SORBS2: variants seen among roughly 807,000 people sequenced by gnomAD.
The protein encoded by SORBS2 is sorbin and SH3 domain containing 2, also known as sorbin and SH3 domain-containing protein 2.
SORBS2 carries 46 observed loss-of-function variants against 97.7 expected under a neutral mutation model. That is an observed-to-expected ratio of 0.47 (90% CI 0.37 to 0.60). The LOEUF (loss-of-function observed/expected upper bound fraction) is 0.60, where lower values mean the gene tolerates loss of function less well. SORBS2 is among the 20% of genes least tolerant of loss of function. SORBS2 has a pLI of 0.00. For synonymous variants in SORBS2, 476 were observed against 473.4 expected (o/e 1.01, Z -0.07); for missense variants, 1,316 against 1,282.3 (o/e 1.03, Z -0.40).
At chr4:185,857,164 C>T (rs2099220968) in intron 1 of SORBS2, among the ~76,000 whole-genome samples, 1 of 152,274 alleles carries the variant, frequency 6.6e-6, no homozygotes, top group East Asian at 1.9e-4. Context: ...AATGGAGAGA[C>T]CTGCTGAACC....
chr4:185,597,726 C>CA (rs761923844), intron 12 of SORBS2, among the ~76,000 whole-genome samples: 67 of 152,248 alleles, frequency 4.4e-4, no homozygotes, highest in Non-Finnish European at 7.1e-4. Context: ...TGATGTAACT[C>CA]AAATGGCAAG....
intron 3 of SORBS2, among the ~76,000 whole-genome samples, chr4:185,647,608 A>G (rs1251748302): frequency 6.6e-6 from 1 of 152,014 alleles, no homozygotes; most frequent in African/African-American, 2.4e-5. Context: ...CTTCCATGGA[A>G]TGGAATGAAA....
intron 8 of SORBS2, among the ~76,000 whole-genome samples, chr4:185,618,933 G>A (rs1561445843): frequency 6.6e-6 from 1 of 152,170 alleles, no homozygotes; most frequent in Non-Finnish European, 1.5e-5. Context: ...CATTTTGGCT[G>A]TTACAAAGGC....
chr4:185,827,855 G>T (rs1343281218), intron 1 of SORBS2, among the ~76,000 whole-genome samples: 2 of 120,978 alleles, frequency 1.7e-5, no homozygotes, highest in African/African-American at 3.2e-5. Flanking sequence ...ACCATCATCA[G>T]CGTCACCATC....
chr4:185,598,600 C>T (rs1320708724), intron 12 of SORBS2, among the ~76,000 whole-genome samples: 9 of 152,152 alleles, frequency 5.9e-5, no homozygotes, highest in Admixed American at 5.2e-4. Flanking sequence ...TTGACTGTTA[C>T]TTTAAACACT....
chr4:185,647,364 T>C (rs1186218682), intron 3 of SORBS2, among the ~76,000 whole-genome samples: 1 of 151,962 alleles, frequency 6.6e-6, no homozygotes, highest in Non-Finnish European at 1.5e-5. Context: ...AAAAAAGGGT[T>C]TCACAAAATT....
exon 3 of SORBS2, chr4:185,649,594 G>T: frequency 6.2e-7 from 1 of 1,602,322 alleles, no homozygotes; most frequent in Non-Finnish European, 8.5e-7. Flanking sequence ...TTGGAAAGAG[G>T]TCTGTAGGTT....
intron 1 of SORBS2, chr4:185,812,850 G>A (rs916948797): frequency 5.3e-5 from 8 of 151,880 alleles, no homozygotes; most frequent in African/African-American, 9.7e-5. Flanking sequence ...TTGCTTCTAC[G>A]GCAGAAAATG....
chr4:185,903,596 GT>G (rs1385963216), intron 1 of SORBS2, among the ~76,000 whole-genome samples: 1 of 152,098 alleles, frequency 6.6e-6, no homozygotes, highest in East Asian at 1.9e-4. Flanking sequence ...CGCCAGATAT[GT>G]TTTTTTGGAA....
At chr4:185,913,318 G>A (rs2149888854) in intron 1 of SORBS2, among the ~76,000 whole-genome samples, 1 of 152,184 alleles carries the variant, frequency 6.6e-6, no homozygotes, top group East Asian at 1.9e-4. Context: ...TTTACCAGAT[G>A]GCATCCAATA....
At chr4:185,630,267 T>G (rs1406782071) in intron 5 of SORBS2, among the ~76,000 whole-genome samples, 4 of 152,148 alleles carry the variant, frequency 2.6e-5, no homozygotes, top group Non-Finnish European at 5.9e-5. Context: ...TTACTTATAA[T>G]TCCCATCTAA....
At chr4:185,784,366 G>A (rs1326986477) in intron 1 of SORBS2, among the ~76,000 whole-genome samples, 2 of 152,086 alleles carry the variant, frequency 1.3e-5, no homozygotes, top group Non-Finnish European at 2.9e-5. Context: ...TCCTGACCTC[G>A]TGATCCGCCC....
At chr4:185,803,078 G>C (rs1393761573) in intron 1 of SORBS2, among the ~76,000 whole-genome samples, 1 of 152,142 alleles carries the variant, frequency 6.6e-6, no homozygotes, top group Admixed American at 6.5e-5. Context: ...AATACTTAGA[G>C]GGCCAGAGTC....
intron 1 of SORBS2, among the ~76,000 whole-genome samples, chr4:185,949,506 C>T (rs933682464): frequency 6.6e-6 from 1 of 152,008 alleles, no homozygotes; most frequent in Non-Finnish European, 1.5e-5. Flanking sequence ...GGGGTTTTAA[C>T]TAAAGTCCAC....
rs181696150 is a variant in SORBS2, at chr4:185,852,486, T to C, written c.-337-77120A>G. Among the ~76,000 whole-genome samples the C allele has an allele frequency of 3.3e-3, 507 of 152,282 alleles. 1 individual carries two copies. The highest frequency in any genetic ancestry group is 5.9e-3 in the Non-Finnish European group (398 of 68,010). On this transcript the variant is annotated intron_variant, in intron 1 of 20. Coordinates refer to the SORBS2 transcript ENST00000284776. ...AATACAATCATATTCATGGGAACAT[T>C]TTAATTTGAGTCTATCCTAGAAAAC...
chr4:185,952,581 G>A (rs532420321), intron 1 of SORBS2, among the ~76,000 whole-genome samples: 1 of 152,316 alleles, frequency 6.6e-6, no homozygotes, highest in South Asian at 2.1e-4. Flanking sequence ...AAGGCATGCA[G>A]TGCAGTTCCC....
At chr4:185,753,348 G>A (rs1301024341) in intron 2 of SORBS2, among the ~76,000 whole-genome samples, 3 of 152,194 alleles carry the variant, frequency 2.0e-5, no homozygotes, top group African/African-American at 2.4e-5. Context: ...AAGTTACTGG[G>A]AGAATTAGAA....
At chr4:185,780,007 A>T (rs904328045) in intron 1 of SORBS2, among the ~76,000 whole-genome samples, 26 of 98,110 alleles carry the variant, frequency 2.7e-4, no homozygotes, top group East Asian at 7.4e-4. Flanking sequence ...GTAGAGTAAC[A>T]TTTTTTTTTT....
chr4:185,590,032 A>C (rs892372954), intron 13 of SORBS2, among the ~76,000 whole-genome samples: 1 of 152,222 alleles, frequency 6.6e-6, no homozygotes, highest in African/African-American at 2.4e-5. Flanking sequence ...ACTCACGAGG[A>C]ATATCCATGA....
Sources: gnomAD v4.1 joint callset for allele counts (sites outside exome capture counted in the v4.1 genomes callset) on GRCh38, gnomAD v4.1.1 for gene constraint, MANE v1.5 for transcripts, NCBI Gene and HGNC (gene_info 2026-07-23, HGNC 2026-07-21) for gene names.